The following PCDHA3 variants were observed in gnomAD, a reference collection of about 807,000 sequenced individuals.
PCDHA3 encodes the protein protocadherin alpha-3.
A neutral mutation model predicts 62.2 loss-of-function variants in PCDHA3; 41 were observed. The ratio of observed to expected loss-of-function variants is 0.66; its 90% confidence interval spans 0.51 to 0.86. PCDHA3 has a LOEUF of 0.86. PCDHA3 is among the 40% of genes least tolerant of loss of function. PCDHA3 has a pLI of 0.00. For synonymous variants in PCDHA3, 640 were observed against 555.4 expected, an observed-to-expected ratio of 1.15 and a Z score of -2.14; for missense variants, 1,304 against 1,241.2, an observed-to-expected ratio of 1.05 and a Z score of -0.76.
chr5:140,883,930 C>T, intron 1 of PCDHA3: 1 of 1,613,066 alleles, frequency 6.2e-7, no homozygotes, highest in East Asian at 2.2e-5. Context: ...TGCAGGTGTT[C>T]GTGCTGGACG....
At chr5:140,918,515 T>C (rs1000500676) in intron 1 of PCDHA3, among the ~76,000 whole-genome samples, 1 of 152,224 alleles carries the variant, frequency 6.6e-6, no homozygotes, top group African/African-American at 2.4e-5. Flanking sequence ...TTTAAACTTA[T>C]TGAGGATTGT....
chr5:140,990,898 G>A (rs1408537294), intron 3 of PCDHA3, among the ~76,000 whole-genome samples: 3 of 152,146 alleles, frequency 2.0e-5, no homozygotes, highest in Non-Finnish European at 4.4e-5. Context: ...GGTCGTTGCT[G>A]GGTCAAGTTT....
At chr5:140,819,029 A>T (rs1307031526) in intron 1 of PCDHA3, among the ~76,000 whole-genome samples, 2 of 152,214 alleles carry the variant, frequency 1.3e-5, no homozygotes, top group Non-Finnish European at 2.9e-5. Context: ...ATTTTAGCAC[A>T]TTCCCTTATA....
chr5:140,927,008 TCTCCGCGGACTTGAGGCTGCCAG>T (rs782232084), intron 1 of PCDHA3: 1 of 1,612,514 alleles, frequency 6.2e-7, no homozygotes, highest in South Asian at 1.1e-5. Flanking sequence ...GTAGGCAATC[TCTCCGCGGACTTGAGGCTGCCAG>T]CGGCCGCTAT....
chr5:140,869,652 A>C (rs2051311295), intron 1 of PCDHA3: 4 of 1,613,458 alleles, frequency 2.5e-6, no homozygotes, highest in South Asian at 2.2e-5. Context: ...TAGATTCACC[A>C]ACAAATGGTA....
intron 1 of PCDHA3, among the ~76,000 whole-genome samples, chr5:140,935,509 C>T (rs2090411551): frequency 6.6e-6 from 1 of 152,080 alleles, no homozygotes; most frequent in Admixed American, 6.6e-5. Context: ...TTACAAATGC[C>T]CAGTAGGCAT....
At position 140,853,837 on chromosome 5, in the gene PCDHA3, T is replaced by C. The variant is rs1554146872; in HGVS notation, c.2394+50246T>C. 17 of 986,750 alleles carry C rather than the reference T, an allele frequency of 1.7e-5. 2 individuals are homozygous for C. The highest frequency in any genetic ancestry group is 1.8e-5 in the Non-Finnish European group (15 of 818,856). The allele number at this position is 986,750 out of a possible 1,614,324, so 61.1% of individuals were successfully genotyped here. A position where few individuals can be genotyped will look rare whatever the true frequency, so the allele number is the denominator to read the frequency against. On this transcript the variant is annotated intron_variant, in intron 1 of 3. Transcript: ENST00000522353. ...GATGATTCTCATACAACCGAAATTT[T>C]AGATCCATAGCCCTATTTGATACTT... is the stretch of plus-strand genomic sequence containing the variant.
intron 1 of PCDHA3, chr5:140,877,135 G>A (rs1554169356): frequency 2.5e-6 from 4 of 1,613,790 alleles, no homozygotes; most frequent in Non-Finnish European, 3.4e-6. Flanking sequence ...GCAGGTGTTC[G>A]TGCTGGACGA....
At chr5:140,843,089 G>T in intron 1 of PCDHA3, 2 of 1,595,612 alleles carry the variant, frequency 1.3e-6, no homozygotes, top group Non-Finnish European at 1.7e-6. Flanking sequence ...CGCGGGCCAC[G>T]TGGTAGCGAA....
chr5:140,944,182 G>GTTTGT (rs750577669), intron 1 of PCDHA3, among the ~76,000 whole-genome samples: 5 of 152,052 alleles, frequency 3.3e-5, no homozygotes, highest in East Asian at 1.9e-4. Flanking sequence ...TTTTTTGTTG[G>GTTTGT]TTTGTTTTGT....
intron 1 of PCDHA3, chr5:140,808,101 A>C: frequency 6.2e-7 from 1 of 1,613,968 alleles, no homozygotes; most frequent in Non-Finnish European, 8.5e-7. Flanking sequence ...ATTATTGTAA[A>C]GGGATATATT....
rs1251484030 is a variant in PCDHA3, at chr5:140,848,856, G to A, written c.2394+45265G>A. ...GCCGCTGCAGGTTTTCCATGTGGAC[G>A]TGGAGGTGAAGGACATTAACGACAA... On this transcript the variant is annotated intron_variant, in intron 1 of 3. Coordinates refer to ENST00000522353, the MANE Select transcript of PCDHA3 (RefSeq NM_018906.3). 7.5e-6 allele frequency: 12 copies of A among 1,590,572 alleles called. 2 individuals carry two copies. Among genetic ancestry groups the A allele is most frequent in the African/African-American group, 4.1e-5 (3 of 73,826 alleles).
rs139625618 is a variant in PCDHA3 at position 141,008,025 on chromosome 5, T to C, written c.2543-1602T>C. 1.8e-3 allele frequency among the ~76,000 whole-genome samples: 273 copies of C among 152,354 alleles called. 1 individual carries two copies. Among genetic ancestry groups the C allele is most frequent in the Middle Eastern group, 6.8e-3 (2 of 294 alleles). Reference sequence around the variant, plus strand: ...TAAACTTCTGTTTCCTTTTTTTTCTTGTTAATCTGCCTTTTGTAACAGGGG... The same window carrying C: ...TAAACTTCTGTTTCCTTTTTTTTCTCGTTAATCTGCCTTTTGTAACAGGGG... On this transcript the variant is annotated intron_variant, in intron 3 of 3. Transcript: ENST00000522353.
At chr5:140,967,051 G>T in intron 1 of PCDHA3, 12 of 1,612,562 alleles carry the variant, frequency 7.4e-6, no homozygotes, top group Non-Finnish European at 9.3e-6. Context: ...TGGACCTGAC[G>T]AGTGGAGCGC....
At chr5:140,984,905 C>G (rs1214020745) in intron 3 of PCDHA3, among the ~76,000 whole-genome samples, 1 of 152,004 alleles carries the variant, frequency 6.6e-6, no homozygotes, top group African/African-American at 2.4e-5. Context: ...AAAAAAAGAA[C>G]TGAGCATAGT....
chr5:140,979,088 A>G, intron 2 of PCDHA3, 81 bp downstream of exon 2: 1 of 1,559,594 alleles, frequency 6.4e-7, no homozygotes, highest in Non-Finnish European at 8.7e-7. Flanking sequence ...ATAGGCCAGA[A>G]GCAGCTGTCA....
In PCDHA3 at chr5:140,803,090, C is replaced by A. The variant is rs1763110198; in HGVS notation, c.1893C>A (p.Ile631=). 6.2e-7 allele frequency: 1 copy of A among 1,613,884 alleles called. No individual in the cohort carries two copies. The highest frequency in any genetic ancestry group is 8.5e-7 in the Non-Finnish European group (1 of 1,179,946). The part of the protein sequence containing the change: ...PFRVGLYTGE[I]STTRALDEVD... The stretch of plus-strand genomic sequence containing the variant: ...GCGTGGGGCTGTACACGGGAGAGAT[C>A]AGCACGACCCGTGCCCTGGACGAGG... The change falls in exon 1 of 4, where the codon ATC becomes ATA. Residue 631 remains isoleucine (I), a synonymous_variant. Coordinates refer to ENST00000522353, the MANE Select transcript of PCDHA3 (RefSeq NM_018906.3).
chr5:140,862,898 CTG>C, intron 1 of PCDHA3: 2 of 555,934 alleles, frequency 3.6e-6, no homozygotes, highest in Non-Finnish European at 3.5e-6. Context: ...ACAACTTTGT[CTG>C]CGCTGCTGGC....
intron 1 of PCDHA3, among the ~76,000 whole-genome samples, chr5:140,948,147 A>T (rs2094217534): frequency 6.6e-6 from 1 of 151,572 alleles, no homozygotes; most frequent in African/African-American, 2.4e-5. Context: ...TGATTTTTGA[A>T]TGTTGGAAAA....
Sources: allele counts gnomAD v4.1 joint callset (sites outside exome capture counted in the v4.1 genomes callset), GRCh38; gene constraint gnomAD v4.1.1; transcripts MANE v1.5; gene names NCBI Gene and HGNC (gene_info 2026-07-23, HGNC 2026-07-21).